C4orf51: variants seen among roughly 807,000 people sequenced by gnomAD.
The protein encoded by C4orf51 is uncharacterized protein C4orf51.
C4orf51 carries 25 observed loss-of-function variants against 25.2 expected under a neutral mutation model. The ratio of observed to expected loss-of-function variants is 0.99; its 90% CI spans 0.72 to 1.39. The LOEUF (loss-of-function observed/expected upper bound fraction) is 1.39. C4orf51 is among the 40% of genes most tolerant of loss of function. The pLI, the probability that C4orf51 is intolerant of heterozygous loss-of-function variation, is 0.00. For missense variants in C4orf51, 252 were observed against 239.6 expected (o/e 1.05, Z -0.34); for synonymous variants, 100 against 84.5 (o/e 1.18, Z -1.01).
chr4:145,700,209 C>T (rs1251811091), intron 2 of C4orf51, among the ~76,000 whole-genome samples: 1 of 141,060 alleles, frequency 7.1e-6, no homozygotes. Context: ...AACCTCTTAT[C>T]TCTGTGCCCC....
intron 2 of C4orf51, among the ~76,000 whole-genome samples, chr4:145,709,142 A>G (rs1730997705): frequency 6.6e-6 from 1 of 152,216 alleles, no homozygotes; most frequent in Admixed American, 6.5e-5. Flanking sequence ...AGTAACCTCC[A>G]GAGAACTTGG....
intron 1 of C4orf51, among the ~76,000 whole-genome samples, chr4:145,767,419 T>C (rs1735472592): frequency 1.3e-5 from 2 of 152,156 alleles, no homozygotes; most frequent in African/African-American, 4.8e-5. Flanking sequence ...ATAAGTTTAA[T>C]TGGAATCCCT....
chr4:145,707,378 G>T (rs1252465100), intron 2 of C4orf51, among the ~76,000 whole-genome samples: 1 of 152,218 alleles, frequency 6.6e-6, no homozygotes. Flanking sequence ...GTTCTGTAAA[G>T]GGTGAACAAA....
chr4:145,763,958 G>A lies in C4orf51; in HGVS notation n.167-7030G>A, dbSNP rs1347007976. Among the ~76,000 whole-genome samples, 1 of 152,036 alleles carries A rather than the reference G, an allele frequency of 6.6e-6. No homozygotes were observed. Among genetic ancestry groups the A allele is most frequent in the African/African-American group, 2.4e-5 (1 of 41,370 alleles). On this transcript the variant is annotated intron_variant and non_coding_transcript_variant, in intron 1 of 1. Coordinates refer to the C4orf51 transcript ENST00000510096. The surrounding 1 kb of genome is among the most constrained non-coding windows in gnomAD (Gnocchi z 4.6). ...AGTTTTTGAGGAGGCAGGGGCCTGG[G>A]GGGACCCAACCTGCACTGACCCCAA...
At chr4:145,707,647 G>T (rs986312112) in intron 2 of C4orf51, among the ~76,000 whole-genome samples, 1 of 152,198 alleles carries the variant, frequency 6.6e-6, no homozygotes, top group Non-Finnish European at 1.5e-5. Context: ...CCCTAAAGAG[G>T]TGTTGGGTAT....
the C4orf51 span, among the ~76,000 whole-genome samples, chr4:145,784,475 T>C: frequency 4.6e-5 from 7 of 152,156 alleles, no homozygotes; most frequent in Non-Finnish European, 1.0e-4. Flanking sequence ...AAATCCCCCA[T>C]CCTGTGAAGA....
rs766798326 is a variant in C4orf51 at position 145,680,366 on chromosome 4, AAAC to A, written c.167_169del (p.Gln56del). 6.2e-7 allele frequency: 1 copy of A among 1,613,980 alleles called. No homozygotes were observed. The highest frequency in any genetic ancestry group is 1.1e-5 in the South Asian group (1 of 91,078). ...AACATACACAGGCAGTTACCGGAAA[AAAC>A]AACTGGACAAGTCCATGTGCAGCCA... On this transcript the variant is annotated inframe_deletion, in exon 1 of 6. Coordinates refer to ENST00000438731, the MANE Select transcript of C4orf51 (RefSeq NM_001080531.3).
chr4:145,691,486 T>C (rs1729556921), intron 1 of C4orf51, among the ~76,000 whole-genome samples: 1 of 152,192 alleles, frequency 6.6e-6, no homozygotes, highest in South Asian at 2.1e-4. Context: ...AAAAGACACA[T>C]GTGCTCATAT....
downstream of C4orf51, among the ~76,000 whole-genome samples, chr4:145,733,439 C>T (rs1469168086): frequency 6.6e-6 from 1 of 152,212 alleles, no homozygotes; most frequent in African/African-American, 2.4e-5. Flanking sequence ...CCGTCTAGGC[C>T]CGCGAAGGGC....
downstream of C4orf51, among the ~76,000 whole-genome samples, chr4:145,755,064 G>A (rs1733864130): frequency 6.6e-6 from 1 of 152,166 alleles, no homozygotes; most frequent in South Asian, 2.1e-4. Flanking sequence ...TGCCATTTTT[G>A]CTGTAACTGC....
At chr4:145,695,025 A>G (rs2126686324) in intron 1 of C4orf51, among the ~76,000 whole-genome samples, 1 of 152,362 alleles carries the variant, frequency 6.6e-6, no homozygotes, top group East Asian at 1.9e-4. Flanking sequence ...GAATATGGAA[A>G]GAGTGGAAGA....
At chr4:145,718,991 T>A (rs1731569391) in intron 2 of C4orf51, among the ~76,000 whole-genome samples, 1 of 152,236 alleles carries the variant, frequency 6.6e-6, no homozygotes, top group Non-Finnish European at 1.5e-5. Context: ...AGCGTCTTCA[T>A]CTCTATCTTG....
intron 1 of C4orf51, among the ~76,000 whole-genome samples, chr4:145,738,780 C>G (rs1037523191): frequency 6.6e-6 from 1 of 151,972 alleles, no homozygotes; most frequent in African/African-American, 2.4e-5. Flanking sequence ...GCTGGAACCA[C>G]AGGTGGGCAC....
chr4:145,757,471 A>C (rs1257081680), downstream of C4orf51, among the ~76,000 whole-genome samples: 1 of 152,206 alleles, frequency 6.6e-6, no homozygotes. Flanking sequence ...ATCGCTGTTC[A>C]ACACTTGAAT....
At chr4:145,724,271 C>A (rs1731914021) in intron 2 of C4orf51, among the ~76,000 whole-genome samples, 1 of 152,128 alleles carries the variant, frequency 6.6e-6, no homozygotes, top group South Asian at 2.1e-4. Flanking sequence ...GACCATGGAA[C>A]AATCAGCACT....
At chr4:145,694,444 T>C (rs368746454) in intron 1 of C4orf51, among the ~76,000 whole-genome samples, 1 of 86,226 alleles carries the variant, frequency 1.2e-5, no homozygotes. Context: ...GGCCGCCCCT[T>C]CTGGGAAGTG....
chr4:145,730,165 G>A (rs1311791866), intron 5 of C4orf51, among the ~76,000 whole-genome samples, 200 bp downstream of exon 5: 1 of 152,184 alleles, frequency 6.6e-6, no homozygotes, highest in Non-Finnish European at 1.5e-5. Context: ...ATCATGAATA[G>A]TTTCTTGGGT....
intron 2 of C4orf51, among the ~76,000 whole-genome samples, chr4:145,718,138 C>G (rs535487440): frequency 3.3e-4 from 50 of 152,312 alleles, no homozygotes; most frequent in African/African-American, 1.1e-3. Context: ...GAGAGCCCAG[C>G]TGAACCTTGC....
At chr4:145,751,697 T>C (rs1271384268) in intron 1 of C4orf51, among the ~76,000 whole-genome samples, 1 of 152,192 alleles carries the variant, frequency 6.6e-6, no homozygotes, top group African/African-American at 2.4e-5. Context: ...CAAGTGAAGC[T>C]AGCCAGGCTT....
Sources: gnomAD v4.1 joint callset for allele counts (sites outside exome capture counted in the v4.1 genomes callset) on GRCh38, gnomAD v4.1.1 for gene constraint, Gnocchi (gnomAD v3.1) non-coding constraint, MANE v1.5 for transcripts, NCBI Gene and HGNC (gene_info 2026-07-23, HGNC 2026-07-21) for gene names.